The following NCAM1 variants were observed in gnomAD, a reference collection of about 807,000 sequenced individuals.
NCAM1 encodes neural cell adhesion molecule 1.
NCAM1 carries 14 observed loss-of-function variants against 109.8 expected under a neutral mutation model. The observed-to-expected ratio is 0.13, with a 90% CI of 0.08 to 0.20. The LOEUF (loss-of-function observed/expected upper bound fraction) is 0.20. Among genes scored for constraint, NCAM1 ranks in the 10% least tolerant of loss-of-function variants. NCAM1 has a pLI of 1.00. For synonymous variants in NCAM1, 418 were observed against 442.9 expected (o/e 0.94, Z 0.70); for missense variants, 774 against 1,109.9 (o/e 0.70, Z 4.30).
chr11:113,245,334 C>T (rs1156743454), intron 14 of NCAM1, among the ~76,000 whole-genome samples: 16 of 152,154 alleles, frequency 1.1e-4, no homozygotes, highest in African/African-American at 3.6e-4. Flanking sequence ...CCCAGCCATT[C>T]AGGAGGCTGA....
At chr11:113,236,834 G>A (rs1945182236) in intron 14 of NCAM1, among the ~76,000 whole-genome samples, 1 of 152,236 alleles carries the variant, frequency 6.6e-6, no homozygotes, top group African/African-American at 2.4e-5. Flanking sequence ...CAGCTTGGTA[G>A]CTGGAGGGGA....
intron 17 of NCAM1, chr11:113,269,911 A>C (rs1183567158): frequency 9.7e-6 from 5 of 515,372 alleles, no homozygotes; most frequent in African/African-American, 9.6e-5. Flanking sequence ...GGCGGGGCTC[A>C]GTCTGCTCCC....
rs900592248 is a variant in NCAM1, at chr11:113,271,875, G to A, written c.2455G>A (p.Glu819Lys). 6.4e-7 allele frequency: 1 copy of A among 1,559,204 alleles called. No individual in the cohort carries two copies. Among genetic ancestry groups the A allele is most frequent in the South Asian group, 1.2e-5 (1 of 84,316 alleles). Residue 819 changes from glutamate (E) to lysine (K), a missense_variant and splice_region_variant, in exon 19 of 20, where the codon GAG (glutamate) becomes AAG (lysine). Physicochemically the swap from Glu to Lys is moderately conservative, Grantham distance 56. Coordinates refer to ENST00000316851, the MANE Select transcript of NCAM1 (RefSeq NM_181351.5). ...CGAGACCACGCCACTGACGGAGCCC[G>A]AGTACGTGGGCTGGGAGGGGCTGGC... Reference protein sequence around the residue: ...PNETTPLTEPEKGPVEAKPEC... With the variant: ...PNETTPLTEPKKGPVEAKPEC...
intron 3 of NCAM1, among the ~76,000 whole-genome samples, chr11:113,204,994 TA>T (rs2136923453): frequency 6.6e-6 from 1 of 152,212 alleles, no homozygotes; most frequent in East Asian, 1.9e-4. Flanking sequence ...GTGGTTGGAG[TA>T]ATGGTGGGTG....
At chr11:113,182,254 C>A (rs1014110185) in intron 1 of NCAM1, among the ~76,000 whole-genome samples, 3 of 152,170 alleles carry the variant, frequency 2.0e-5, no homozygotes. Flanking sequence ...CACTCTCCTA[C>A]CAGATGGCAA....
intron 17 of NCAM1, among the ~76,000 whole-genome samples, chr11:113,267,500 G>C (rs1401478310): frequency 6.6e-6 from 1 of 151,802 alleles, no homozygotes; most frequent in South Asian, 2.1e-4. Flanking sequence ...GGACAACAGA[G>C]AGCCACCCTG....
intron 8 of NCAM1, among the ~76,000 whole-genome samples, chr11:113,215,211 C>T (rs565754396): frequency 6.6e-6 from 1 of 152,208 alleles, no homozygotes; most frequent in African/African-American, 2.4e-5. Context: ...TTATTGTTGA[C>T]AATATATAAA....
chr11:113,246,375 A>C lies in NCAM1; in HGVS notation c.1828+5A>C, dbSNP rs1040655810. On this transcript the variant is annotated splice_donor_5th_base_variant and intron_variant, in intron 15 of 19. Coordinates refer to ENST00000316851, the MANE Select transcript of NCAM1 (RefSeq NM_181351.5). ...GTCCACGCTGGTGAACAGAAGGTAAAACTCTTTGTTCTGATTAGTGAAATA... is the reference window on the plus strand; with the variant it reads ...GTCCACGCTGGTGAACAGAAGGTAACACTCTTTGTTCTGATTAGTGAAATA... 2.7e-6 allele frequency: 2 copies of C among 742,022 alleles called. No individual in the cohort carries two copies. Among genetic ancestry groups the C allele is most frequent in the Non-Finnish European group, 2.5e-6 (1 of 405,632 alleles). The allele number at this position is 742,022 out of a possible 1,614,324, so 46.0% of individuals were successfully genotyped here. A position where few individuals can be genotyped will look rare whatever the true frequency, so the allele number is the denominator to read the frequency against.
At chr11:113,262,333 C>T (rs1286810058) in intron 17 of NCAM1, among the ~76,000 whole-genome samples, 1 of 152,238 alleles carries the variant, frequency 6.6e-6, no homozygotes, top group Non-Finnish European at 1.5e-5. Context: ...TCCAATGCAT[C>T]TCCACCACTA....
intron 1 of NCAM1, among the ~76,000 whole-genome samples, chr11:113,016,540 CA>C (rs1952210026): frequency 6.6e-6 from 1 of 152,188 alleles, no homozygotes; most frequent in Admixed American, 6.5e-5. Flanking sequence ...TCATGCGGTG[CA>C]GAACTTGCTG....
intron 17 of NCAM1, among the ~76,000 whole-genome samples, chr11:113,262,134 C>G (rs1946022858): frequency 6.6e-6 from 1 of 152,148 alleles, no homozygotes; most frequent in Admixed American, 6.5e-5. Context: ...CTCTGAATTA[C>G]AAGTTGGACA....
At chr11:113,022,196 C>A (rs1408163939) in intron 1 of NCAM1, among the ~76,000 whole-genome samples, 2 of 152,180 alleles carry the variant, frequency 1.3e-5, no homozygotes, top group Non-Finnish European at 2.9e-5. Flanking sequence ...AATACAAACA[C>A]CTCGTTTGGG....
At chr11:113,039,748 C>T (rs1037576652) in intron 1 of NCAM1, among the ~76,000 whole-genome samples, 4 of 152,148 alleles carry the variant, frequency 2.6e-5, no homozygotes, top group Non-Finnish European at 5.9e-5. Context: ...TTTCTGGTAG[C>T]TGTGTTAAAA....
At chr11:113,196,904 T>C (rs1943871965) in intron 1 of NCAM1, among the ~76,000 whole-genome samples, 1 of 152,252 alleles carries the variant, frequency 6.6e-6, no homozygotes, top group Non-Finnish European at 1.5e-5. Flanking sequence ...AAGAAATGCC[T>C]GAGACTGGGT....
chr11:113,145,368 G>A (rs538260437), intron 1 of NCAM1, among the ~76,000 whole-genome samples: 5 of 152,286 alleles, frequency 3.3e-5, no homozygotes, highest in South Asian at 2.1e-4. Flanking sequence ...CATGCTCAAC[G>A]CTGGCAGTAC....
intron 1 of NCAM1, among the ~76,000 whole-genome samples, chr11:113,005,494 A>G (rs1262049556): frequency 6.6e-6 from 1 of 152,182 alleles, no homozygotes; most frequent in Non-Finnish European, 1.5e-5. Flanking sequence ...ACTGAGTACA[A>G]GGAAGGAGAT....
At chr11:112,976,661 A>G (rs1425987470) in intron 1 of NCAM1, among the ~76,000 whole-genome samples, 1 of 151,916 alleles carries the variant, frequency 6.6e-6, no homozygotes, top group Non-Finnish European at 1.5e-5. Flanking sequence ...TGTAGATATT[A>G]TTGTCTGTTT....
At position 113,081,816 on chromosome 11, in the gene NCAM1, G is replaced by A. The variant is rs200694719; in HGVS notation, c.52+120152G>A. Among the ~76,000 whole-genome samples, 24 of 152,326 alleles carry A rather than the reference G, an allele frequency of 1.6e-4. No individual in the cohort carries two copies. In the East Asian group the frequency reaches 4.6e-3, roughly 29 times the overall value. On this transcript the variant is annotated intron_variant, in intron 1 of 19. Coordinates refer to ENST00000316851, the MANE Select transcript of NCAM1 (RefSeq NM_181351.5). The stretch of plus-strand genomic sequence containing the variant: ...CCCAGAGTGTTGGGACTACAGGCGT[G>A]AGCCATCGCGCCGTCTTTTCTTTTT...
At chr11:113,198,704 G>C (rs1353307853) in intron 1 of NCAM1, among the ~76,000 whole-genome samples, 1 of 152,074 alleles carries the variant, frequency 6.6e-6, no homozygotes, top group Non-Finnish European at 1.5e-5. Flanking sequence ...GAGTGTAAAT[G>C]GTAACTAATA....
Sources: gnomAD v4.1 joint callset for allele counts (sites outside exome capture counted in the v4.1 genomes callset) on GRCh38, gnomAD v4.1.1 for gene constraint, MANE v1.5 for transcripts, NCBI Gene and HGNC (gene_info 2026-07-23, HGNC 2026-07-21) for gene names.